IGF1R: variants seen among roughly 807,000 people sequenced by gnomAD.
IGF1R encodes the protein insulin like growth factor 1 receptor.
IGF1R carries 44 observed loss-of-function variants against 144.6 expected under a neutral mutation model. That is an observed-to-expected ratio of 0.30 (90% CI 0.24 to 0.39). The LOEUF (loss-of-function observed/expected upper bound fraction) is 0.39. Among genes scored for constraint, IGF1R ranks in the 10% least tolerant of loss-of-function variants. The pLI is 1.00. For synonymous variants in IGF1R, 795 were observed against 722.8 expected, an observed-to-expected ratio of 1.10 and a Z score of -1.60; for missense variants, 1,355 against 1,833.7, an observed-to-expected ratio of 0.74 and a Z score of 4.77.
intron 2 of IGF1R, among the ~76,000 whole-genome samples, chr15:98,771,355 T>G (rs1357054779): frequency 6.6e-6 from 1 of 152,192 alleles, no homozygotes; most frequent in Non-Finnish European, 1.5e-5. Context: ...CTCTCCCTTC[T>G]GGTACCCATT....
chr15:98,908,373 A>C (rs2151669632), intron 5 of IGF1R, among the ~76,000 whole-genome samples: 1 of 152,358 alleles, frequency 6.6e-6, no homozygotes, highest in Admixed American at 6.5e-5. Flanking sequence ...TGGCTGAGAA[A>C]AATAACCAAA....
chr15:98,687,738 C>T, intron 1 of IGF1R, among the ~76,000 whole-genome samples: 1 of 152,144 alleles, frequency 6.6e-6, no homozygotes, highest in East Asian at 1.9e-4. Flanking sequence ...CCAAAGCATC[C>T]CCAGGTTGTC....
At chr15:98,734,456 C>G (rs989294952) in intron 2 of IGF1R, among the ~76,000 whole-genome samples, 2 of 152,092 alleles carry the variant, frequency 1.3e-5, no homozygotes, top group Middle Eastern at 3.4e-3. Flanking sequence ...TTTGGTTGTA[C>G]CCAGCACTGC....
At chr15:98,863,067 T>C (rs1486616375) in intron 2 of IGF1R, among the ~76,000 whole-genome samples, 1 of 152,266 alleles carries the variant, frequency 6.6e-6, no homozygotes, top group Non-Finnish European at 1.5e-5. Flanking sequence ...GTTCAGTTTT[T>C]CTAATTCTGG....
At chr15:98,734,392 AT>A (rs971383096) in intron 2 of IGF1R, among the ~76,000 whole-genome samples, 4 of 151,288 alleles carry the variant, frequency 2.6e-5, no homozygotes, top group Non-Finnish European at 4.4e-5. Flanking sequence ...TCTCATGCCT[AT>A]TTTTTTTTCT....
At chr15:98,709,221 C>T (rs965621149) in intron 2 of IGF1R, among the ~76,000 whole-genome samples, 2 of 152,174 alleles carry the variant, frequency 1.3e-5, no homozygotes, top group Non-Finnish European at 2.9e-5. Context: ...AAATAAAAGG[C>T]GAGACCCCAC....
At chr15:98,947,502 G>A (rs569853248) in intron 19 of IGF1R, among the ~76,000 whole-genome samples, 2 of 152,112 alleles carry the variant, frequency 1.3e-5, no homozygotes, top group Non-Finnish European at 1.5e-5. Flanking sequence ...TTGGTGATGA[G>A]TAGCCTATTT....
intron 2 of IGF1R, among the ~76,000 whole-genome samples, chr15:98,760,262 G>C (rs936633134): frequency 1.3e-5 from 2 of 151,912 alleles, no homozygotes; most frequent in African/African-American, 4.8e-5. Flanking sequence ...GAGGGCAGGA[G>C]AATGGCTTGA....
intron 20 of IGF1R, 41 bp from the exon 21 acceptor site, chr15:98,957,020 C>T (rs775968536): frequency 1.9e-6 from 3 of 1,612,906 alleles, no homozygotes; most frequent in African/African-American, 2.7e-5. Flanking sequence ...GCCATGTGCG[C>T]CCTCCCGGTT....
chr15:98,747,335 T>TA (rs2054893904), intron 2 of IGF1R, among the ~76,000 whole-genome samples: 1 of 152,034 alleles, frequency 6.6e-6, no homozygotes, highest in South Asian at 2.1e-4. Context: ...TACCTGGAAT[T>TA]ACAGGCACCC....
At chr15:98,941,391 C>T (rs1400571822) in intron 18 of IGF1R, among the ~76,000 whole-genome samples, 4 of 152,180 alleles carry the variant, frequency 2.6e-5, no homozygotes, top group Non-Finnish European at 4.4e-5. Context: ...CATTTTAAAT[C>T]CAAATCAGCA....
At chr15:98,918,467 G>A (rs77753951) in intron 10 of IGF1R, among the ~76,000 whole-genome samples, 6,292 of 152,090 alleles carry the variant, frequency 0.041, 253 homozygotes, top group East Asian at 0.2. Context: ...ATCTCACTTC[G>A]AGAAATCAGT....
chr15:98,734,356 G>T (rs1243239713), intron 2 of IGF1R, among the ~76,000 whole-genome samples: 2 of 152,188 alleles, frequency 1.3e-5, no homozygotes, highest in Non-Finnish European at 2.9e-5. Flanking sequence ...TTCAGAGTAA[G>T]TCGGCCTTGG....
chr15:98,794,560 G>GT (rs2056196461), intron 2 of IGF1R, among the ~76,000 whole-genome samples: 2 of 152,158 alleles, frequency 1.3e-5, no homozygotes, highest in South Asian at 4.2e-4. Context: ...GAATTAATTA[G>GT]TAAGCAAACT....
intron 2 of IGF1R, among the ~76,000 whole-genome samples, chr15:98,844,931 T>C (rs1334536853): frequency 6.6e-6 from 1 of 152,188 alleles, no homozygotes; most frequent in Non-Finnish European, 1.5e-5. Flanking sequence ...TTTAAAATAT[T>C]AGTAATTCTA....
At chr15:98,877,782 G>GGTAC (rs2013138348) in intron 2 of IGF1R, among the ~76,000 whole-genome samples, 1 of 152,062 alleles carries the variant, frequency 6.6e-6, no homozygotes, top group African/African-American at 2.4e-5. Context: ...TACCTCCCTA[G>GGTAC]GTACCTCGTA....
At chr15:98,681,523 T>C (rs1260088457) in intron 1 of IGF1R, among the ~76,000 whole-genome samples, 1 of 152,128 alleles carries the variant, frequency 6.6e-6, no homozygotes, top group African/African-American at 2.4e-5. Context: ...TGTAATTTGC[T>C]GGATATGTGA....
intron 2 of IGF1R, among the ~76,000 whole-genome samples, chr15:98,858,743 G>A (rs1247239919): frequency 6.6e-6 from 1 of 152,216 alleles, no homozygotes; most frequent in African/African-American, 2.4e-5. Context: ...CGTGGCCAGG[G>A]TTTGCGGGGA....
In IGF1R at chr15:98,962,163, G is replaced by A. The variant is rs2017252000; in HGVS notation, c.*4721G>A. ...GAGAAGGCTAGGATGCTTGTCTAGT[G>A]TTCTTAGCTGTCACGTTGGCTCCTT... On this transcript the variant is annotated 3_prime_UTR_variant, in exon 21 of 21. Coordinates refer to ENST00000650285, the MANE Select transcript of IGF1R (RefSeq NM_000875.5). 4.3e-6 allele frequency: 1 copy of A among 233,200 alleles called. No individual in the cohort carries two copies. The highest frequency in any genetic ancestry group is 2.2e-5 in the African/African-American group (1 of 45,342). 14.4% of individuals were successfully genotyped at this position (233,200 alleles called of 1,614,324 possible). A position where few individuals can be genotyped will look rare whatever the true frequency, so the allele number is the denominator to read the frequency against.
Sources: allele counts gnomAD v4.1 joint callset (sites outside exome capture counted in the v4.1 genomes callset), GRCh38; gene constraint gnomAD v4.1.1; transcripts MANE v1.5; gene names NCBI Gene and HGNC (gene_info 2026-07-23, HGNC 2026-07-21).